Variants in EXOSC4 observed in about 807,000 individuals in gnomAD.
The protein encoded by EXOSC4 is exosome complex component RRP41.
A neutral mutation model predicts 20.0 loss-of-function variants in EXOSC4; 14 were observed. The ratio of observed to expected loss-of-function variants is 0.70; its 90% CI spans 0.46 to 1.09. The LOEUF is 1.09. EXOSC4 is among the 50% of genes least tolerant of loss of function. The probability of loss-of-function intolerance (pLI) is 0.00; values close to 1 mark genes in which losing one functional copy is unlikely to be tolerated. For missense variants in EXOSC4, 337 were observed against 334.0 expected, an observed-to-expected ratio of 1.01 and a Z score of -0.07; for synonymous variants, 148 against 146.4, an observed-to-expected ratio of 1.01 and a Z score of -0.08.
At chr8:144,066,938 T>G in the EXOSC4 span, among the ~76,000 whole-genome samples, 1 of 151,812 alleles carries the variant, frequency 6.6e-6, no homozygotes, top group Non-Finnish European at 1.5e-5. Flanking sequence ...AAATACAAAA[T>G]TAGCCAGGCG....
At chr8:144,079,250 G>C (rs56057523) in intron 1 of EXOSC4, 29,309 of 244,586 alleles carry the variant, frequency 0.12, 3,003 homozygotes, top group African/African-American at 0.33. Context: ...TAAACCCTTT[G>C]TTTTGTGCAC....
the EXOSC4 span, among the ~76,000 whole-genome samples, chr8:144,069,154 A>G: frequency 6.6e-6 from 1 of 152,160 alleles, no homozygotes; most frequent in Non-Finnish European, 1.5e-5. Flanking sequence ...ACAACAAAGA[A>G]AGGATCCTGC....
At chr8:144,079,716 T>C (rs1554763201) in intron 1 of EXOSC4, 2 of 686,416 alleles carry the variant, frequency 2.9e-6, no homozygotes, top group South Asian at 3.0e-5. Context: ...TTTGTAAACT[T>C]GGGTTGGCAG....
chr8:144,066,226 A>G, the EXOSC4 span, among the ~76,000 whole-genome samples: 4 of 150,328 alleles, frequency 2.7e-5, no homozygotes. Context: ...TCACCGTGTT[A>G]GCCAGGATGG....
chr8:144,069,090 C>T, the EXOSC4 span, among the ~76,000 whole-genome samples: 1 of 152,228 alleles, frequency 6.6e-6, no homozygotes, highest in Admixed American at 6.5e-5. Context: ...AAACTGATAG[C>T]AGCAAATGAA....
rs1554763111 is a variant in EXOSC4, at chr8:144,078,896, C to G, written c.168C>G (p.His56Gln). Residue 56 changes from histidine to glutamine, a missense_variant, in exon 1 of 3, where the codon CAC (histidine) becomes CAG (glutamine). Physicochemically the swap from His to Gln is conservative, Grantham distance 24. Transcript: ENST00000316052. The surrounding 1 kb of genome is among the most constrained non-coding windows in gnomAD (Gnocchi z 4.7). ...CACTGGCTGTGGTCTACGGCCCGCA[C>G]GAGGCGAGTGGGCGCGCGGGATGGG... ...TKALAVVYGP[H>Q]EIRGSRARAL... The G allele has an allele frequency of 1.4e-6, 2 of 1,476,106 alleles. No homozygotes were observed. Among genetic ancestry groups the G allele is most frequent in the Middle Eastern group, 1.8e-4 (1 of 5,580 alleles). 91.4% of individuals were successfully genotyped at this position (1,476,106 alleles called of 1,614,324 possible).
chr8:144,079,725 A>C, intron 1 of EXOSC4: 1 of 693,242 alleles, frequency 1.4e-6, no homozygotes, highest in Non-Finnish European at 2.6e-6. Flanking sequence ...TTGGGTTGGC[A>C]GGGAATGGGG....
chr8:144,080,178 G>A lies in EXOSC4; in HGVS notation c.378+29G>A. 1 of 1,608,540 alleles carries A rather than the reference G, an allele frequency of 6.2e-7. No individual in the cohort carries two copies. Among genetic ancestry groups the A allele is most frequent in the African/African-American group, 1.3e-5 (1 of 74,950 alleles). On this transcript the variant is annotated intron_variant, in intron 2 of 2. Coordinates refer to ENST00000316052, the MANE Select transcript of EXOSC4 (RefSeq NM_019037.3). The surrounding 1 kb of genome is among the most constrained non-coding windows in gnomAD (Gnocchi z 4.9). Reference sequence around the variant, plus strand: ...AGCCAGCTGCAGCCGTCAATCCAGGGAGGGAAGGGTGTGATGGGGTTGGGG... The same window carrying A: ...AGCCAGCTGCAGCCGTCAATCCAGGAAGGGAAGGGTGTGATGGGGTTGGGG...
At chr8:144,069,900 A>G in the EXOSC4 span, among the ~76,000 whole-genome samples, 1 of 152,256 alleles carries the variant, frequency 6.6e-6, no homozygotes, top group African/African-American at 2.4e-5. Flanking sequence ...TTTCCAAAGA[A>G]AGAAGCACTA....
At chr8:144,065,124 C>T in the EXOSC4 span, among the ~76,000 whole-genome samples, 47 of 152,210 alleles carry the variant, frequency 3.1e-4, no homozygotes, top group African/African-American at 8.7e-4. Flanking sequence ...GGATTACAGG[C>T]GTGAGCCACC....
chr8:144,078,357 C>T (rs1835856804), upstream of EXOSC4: 2 of 184,272 alleles, frequency 1.1e-5, no homozygotes, highest in Non-Finnish European at 2.2e-5. This position sits in a 1 kb window ranked among gnomAD's most constrained non-coding sequence, Gnocchi z 4.7. Flanking sequence ...GCAATTCCTC[C>T]TTCGGCGGGC....
rs781934139 is a variant in EXOSC4, at chr8:144,080,315, T to C, written c.452T>C (p.Ile151Thr). 3.3e-5 allele frequency: 53 copies of C among 1,613,680 alleles called. No homozygotes were observed. Among genetic ancestry groups the C allele is most frequent in the Non-Finnish European group, 4.2e-5 (50 of 1,180,038 alleles). Residue 151 changes from isoleucine to threonine, a missense_variant, in exon 3 of 3, where the codon ATA becomes ACA. By Grantham distance (89) the Ile-to-Thr change is moderately conservative. Coordinates refer to ENST00000316052, the MANE Select transcript of EXOSC4 (RefSeq NM_019037.3). This position sits in a 1 kb window ranked among gnomAD's most constrained non-coding sequence, Gnocchi z 4.9. ...AATLAVLDAGIPMRDFVCACS... is the reference protein window; with the variant it reads ...AATLAVLDAGTPMRDFVCACS... ...ACGCTGGCAGTGCTGGATGCCGGGA[T>C]ACCCATGAGAGACTTTGTGTGTGCG...
At chr8:144,078,300 G>C (rs1835856225), upstream of EXOSC4, 1 of 158,012 alleles carries the variant, frequency 6.3e-6, no homozygotes, top group Non-Finnish European at 1.4e-5. The surrounding 1 kb of genome is among the most constrained non-coding windows in gnomAD (Gnocchi z 4.7). Flanking sequence ...CTTGGGGCGC[G>C]GGGAAGGGCT....
intron 1 of EXOSC4, 144 bp from the exon 2 acceptor site, chr8:144,079,799 C>T (rs782219649): frequency 1.2e-5 from 10 of 834,480 alleles, no homozygotes; most frequent in Non-Finnish European, 1.9e-5. Context: ...AGACAGAGAG[C>T]GCAAAACAGG....
At chr8:144,079,791 A>G (rs1554763214) in intron 1 of EXOSC4, 152 bp from the exon 2 acceptor site, 6 of 814,482 alleles carry the variant, frequency 7.4e-6, no homozygotes, top group Non-Finnish European at 1.3e-5. Context: ...CACATGCAAG[A>G]CAGAGAGCGC....
upstream of EXOSC4, among the ~76,000 whole-genome samples, chr8:144,073,965 A>G (rs1221673168): frequency 6.6e-6 from 1 of 152,160 alleles, no homozygotes; most frequent in Non-Finnish European, 1.5e-5. Context: ...ATAGTGGCAC[A>G]GTCTGCTGAA....
chr8:144,070,608 C>T, the EXOSC4 span, among the ~76,000 whole-genome samples: 493 of 151,398 alleles, frequency 3.3e-3, 3 homozygotes, highest in African/African-American at 0.012. Context: ...AGGTGGATCA[C>T]CTGAGGTCAG....
intron 1 of EXOSC4, chr8:144,079,111 C>G: frequency 2.1e-6 from 1 of 480,288 alleles, no homozygotes; most frequent in East Asian, 3.7e-5. Flanking sequence ...TCCCTGCGCC[C>G]TCCTTCCTCT....
chr8:144,065,991 T>G, the EXOSC4 span, among the ~76,000 whole-genome samples: 1 of 150,594 alleles, frequency 6.6e-6, no homozygotes, highest in East Asian at 2.0e-4. Flanking sequence ...TTTTGTTTTT[T>G]TTTTTTGGTA....
Sources: gnomAD v4.1 joint callset for allele counts (sites outside exome capture counted in the v4.1 genomes callset) on GRCh38, gnomAD v4.1.1 for gene constraint, Gnocchi (gnomAD v3.1) non-coding constraint, MANE v1.5 for transcripts, NCBI Gene and HGNC (gene_info 2026-07-23, HGNC 2026-07-21) for gene names.